Variants in IRF2 observed in about 807,000 individuals in gnomAD.
IRF2 encodes the protein interferon regulatory factor 2.
IRF2 carries 15 observed loss-of-function variants against 40.6 expected under a neutral mutation model. The observed-to-expected ratio is 0.37, with a 90% CI of 0.25 to 0.57. The LOEUF (loss-of-function observed/expected upper bound fraction) is 0.57, where lower values mean the gene tolerates loss of function less well. Ranked by LOEUF, IRF2 falls within the 20% of genes least tolerant of loss-of-function variation. IRF2 has a pLI of 0.77. For synonymous variants in IRF2, 151 were observed against 165.5 expected (o/e 0.91, Z 0.67); for missense variants, 317 against 455.7 (o/e 0.70, Z 2.77).
At chr4:184,446,172 C>G (rs568753323) in intron 1 of IRF2, among the ~76,000 whole-genome samples, 87 of 152,332 alleles carry the variant, frequency 5.7e-4, no homozygotes, top group African/African-American at 2.0e-3. Flanking sequence ...TAATTGCCAA[C>G]TTTTGGCCTT....
chr4:184,403,035 A>G (rs1387970937), intron 6 of IRF2, among the ~76,000 whole-genome samples: 1 of 152,190 alleles, frequency 6.6e-6, no homozygotes, highest in Non-Finnish European at 1.5e-5. Context: ...TTTCTGGGCT[A>G]TGATCTGGAT....
chr4:184,414,182 T>G (rs899323562), intron 5 of IRF2, among the ~76,000 whole-genome samples: 3 of 152,252 alleles, frequency 2.0e-5, no homozygotes, highest in East Asian at 1.9e-4. Context: ...GAACTTGGAA[T>G]CAGCTCAAAA....
chr4:184,467,439 G>A lies in IRF2; in HGVS notation c.-7+6940C>T, dbSNP rs142369261. 2.8e-3 allele frequency among the ~76,000 whole-genome samples: 426 copies of A among 152,148 alleles called. 3 individuals carry two copies. Among genetic ancestry groups the A allele is most frequent in the African/African-American group, 9.8e-3 (406 of 41,502 alleles). ...CACCCGACACACCCATCATATCTAG[G>A]TGTTAAGACACTCTTATCACCACTG... On this transcript the variant is annotated intron_variant, in intron 1 of 8. Coordinates refer to ENST00000393593, the MANE Select transcript of IRF2 (RefSeq NM_002199.4).
At chr4:184,462,626 A>G (rs545151409) in intron 1 of IRF2, among the ~76,000 whole-genome samples, 3 of 152,352 alleles carry the variant, frequency 2.0e-5, no homozygotes, top group Middle Eastern at 3.4e-3. Flanking sequence ...ATTTATCCCT[A>G]CAAGAAAGTA....
intron 7 of IRF2, among the ~76,000 whole-genome samples, chr4:184,391,593 A>T (rs1035342601): frequency 2.6e-5 from 4 of 152,234 alleles, no homozygotes; most frequent in Non-Finnish European, 5.9e-5. Context: ...TGAGCTTGGA[A>T]ATGGACCCTT....
intron 1 of IRF2, among the ~76,000 whole-genome samples, chr4:184,473,329 C>A (rs1739589785): frequency 6.7e-6 from 1 of 149,358 alleles, no homozygotes; most frequent in Non-Finnish European, 1.5e-5. Flanking sequence ...TCCCCGCCCC[C>A]ACCTCGCCCG....
intron 1 of IRF2, among the ~76,000 whole-genome samples, chr4:184,460,812 T>C (rs1229280466): frequency 6.6e-6 from 1 of 152,176 alleles, no homozygotes; most frequent in African/African-American, 2.4e-5. Flanking sequence ...GAGAGGGTAC[T>C]AAATGATATC....
intron 1 of IRF2, among the ~76,000 whole-genome samples, chr4:184,433,812 C>T (rs1452416686): frequency 2.0e-5 from 3 of 152,162 alleles, no homozygotes; most frequent in African/African-American, 4.8e-5. Flanking sequence ...ATTACCAGTG[C>T]GCTTGCCTCG....
chr4:184,456,260 T>G (rs1454911779), intron 1 of IRF2, among the ~76,000 whole-genome samples: 2 of 152,132 alleles, frequency 1.3e-5, no homozygotes, highest in African/African-American at 4.8e-5. Context: ...AGTTTTAATA[T>G]TTTATGTAAA....
At chr4:184,457,394 G>A (rs902163811) in intron 1 of IRF2, among the ~76,000 whole-genome samples, 1 of 152,178 alleles carries the variant, frequency 6.6e-6, no homozygotes, top group Non-Finnish European at 1.5e-5. Context: ...GGACACTCTG[G>A]GCGGATAGGA....
At chr4:184,416,301 G>C (rs1271032076) in intron 5 of IRF2, among the ~76,000 whole-genome samples, 3 of 119,326 alleles carry the variant, frequency 2.5e-5, no homozygotes, top group East Asian at 5.2e-4. Context: ...CTGGGTGACA[G>C]AGTAAGACCT....
At chr4:184,467,990 G>T (rs556881240) in intron 1 of IRF2, among the ~76,000 whole-genome samples, 5 of 152,102 alleles carry the variant, frequency 3.3e-5, no homozygotes, top group Non-Finnish European at 4.4e-5. Flanking sequence ...ATCATCAGAA[G>T]GAACCTCACA....
chr4:184,445,557 A>G (rs1301681518), intron 1 of IRF2, among the ~76,000 whole-genome samples: 1 of 151,524 alleles, frequency 6.6e-6, no homozygotes, highest in Non-Finnish European at 1.5e-5. Context: ...CAAGAGGCTG[A>G]GTCAGGAGAA....
chr4:184,468,137 T>G (rs1211561616), intron 1 of IRF2, among the ~76,000 whole-genome samples: 1 of 152,230 alleles, frequency 6.6e-6, no homozygotes, highest in Non-Finnish European at 1.5e-5. Flanking sequence ...CTCCATGGCC[T>G]TCCTGGACAA....
chr4:184,430,860 A>AT (rs368521339), intron 1 of IRF2, among the ~76,000 whole-genome samples: 55 of 151,006 alleles, frequency 3.6e-4, no homozygotes, highest in African/African-American at 6.8e-4. Flanking sequence ...ACGCCCAGCT[A>AT]TTTTTTTTTA....
intron 1 of IRF2, among the ~76,000 whole-genome samples, chr4:184,453,751 C>T (rs3796686): frequency 0.49 from 74,557 of 152,018 alleles, 21,338 homozygotes; most frequent in Non-Finnish European, 0.63. Flanking sequence ...GGAGGAGGAG[C>T]GTGGCAGAAA....
At chr4:184,444,168 T>A (rs1738416599) in intron 1 of IRF2, among the ~76,000 whole-genome samples, 1 of 152,208 alleles carries the variant, frequency 6.6e-6, no homozygotes, top group African/African-American at 2.4e-5. Context: ...TAGTGACGCT[T>A]TTTTATCACT....
intron 5 of IRF2, among the ~76,000 whole-genome samples, chr4:184,410,114 C>G (rs1737019058): frequency 6.6e-6 from 1 of 152,050 alleles, no homozygotes; most frequent in South Asian, 2.1e-4. Context: ...AATCAAGCTC[C>G]CAGAAGGGTC....
At chr4:184,429,618 C>T (rs1737802110) in intron 1 of IRF2, among the ~76,000 whole-genome samples, 1 of 152,224 alleles carries the variant, frequency 6.6e-6, no homozygotes, top group South Asian at 2.1e-4. Context: ...AACTACCCGT[C>T]CCTCCTGACT....
Sources: allele counts gnomAD v4.1 joint callset (sites outside exome capture counted in the v4.1 genomes callset), GRCh38; gene constraint gnomAD v4.1.1; transcripts MANE v1.5; gene names NCBI Gene and HGNC (gene_info 2026-07-23, HGNC 2026-07-21).